The following LBP variants were observed in gnomAD, a reference collection of about 807,000 sequenced individuals.
The protein encoded by LBP is lipopolysaccharide-binding protein.
LBP carries 53 observed loss-of-function variants against 56.6 expected under a neutral mutation model. The ratio of observed to expected loss-of-function variants is 0.94; its 90% CI spans 0.75 to 1.18. The LOEUF is 1.18. LBP is among the 50% of genes most tolerant of loss of function. LBP has a pLI of 0.00. For synonymous variants in LBP, 227 were observed against 247.5 expected (o/e 0.92, Z 0.78); for missense variants, 601 against 598.3 (o/e 1.00, Z -0.05).
rs914082747 is a variant in LBP, at chr20:38,346,721, G to A, written c.124+81G>A. 16 of 1,574,278 alleles carry A rather than the reference G, an allele frequency of 1.0e-5. No individual in the cohort carries two copies. The African/African-American group carries it at 2.2e-4, about 21-fold the overall frequency. On this transcript the variant is annotated intron_variant, in intron 1 of 14. Transcript: ENST00000217407. ...GGGTACAGTGGGGACAGGGAGTGGG[G>A]ACACAGACCGGACCCTCTCCCTGGG...
intron 3 of LBP, among the ~76,000 whole-genome samples, chr20:38,353,258 CCTAT>C (rs1258599138): frequency 1.3e-5 from 2 of 152,078 alleles, no homozygotes; most frequent in Non-Finnish European, 2.9e-5. Flanking sequence ...CATGTCCACC[CCTAT>C]CTGACTCCAA....
intron 10 of LBP, 119 bp downstream of exon 10, chr20:38,369,281 A>G (rs1466606205): frequency 2.9e-5 from 29 of 1,009,922 alleles, no homozygotes; most frequent in African/African-American, 9.8e-5. Context: ...CAACTTAAAT[A>G]TTACTTCCCG....
intron 8 of LBP, 70 bp downstream of exon 8, chr20:38,364,822 AC>A: frequency 7.3e-7 from 1 of 1,365,188 alleles, no homozygotes; most frequent in South Asian, 1.4e-5. Context: ...TTTCCTTTTC[AC>A]CCCTGTTGAC....
At chr20:38,369,241 A>T in intron 10 of LBP, 79 bp downstream of exon 10, 1 of 1,365,488 alleles carries the variant, frequency 7.3e-7, no homozygotes, top group South Asian at 1.4e-5. Context: ...TTTTCTCCCC[A>T]CTCACCACCT....
chr20:38,353,766 G>C (rs1389860297), intron 3 of LBP, among the ~76,000 whole-genome samples: 2 of 152,020 alleles, frequency 1.3e-5, no homozygotes, highest in African/African-American at 4.8e-5. Flanking sequence ...TTTTGAATCT[G>C]ATAGGCGAGA....
chr20:38,348,937 G>A (rs2076810953), intron 1 of LBP, among the ~76,000 whole-genome samples: 2 of 152,088 alleles, frequency 1.3e-5, no homozygotes, highest in Admixed American at 1.3e-4. Context: ...GAGACTACAG[G>A]TGCCTGCCAC....
chr20:38,369,847 A>C (rs1467421547), intron 10 of LBP, among the ~76,000 whole-genome samples: 1 of 152,140 alleles, frequency 6.6e-6, no homozygotes, highest in East Asian at 1.9e-4. Flanking sequence ...CTCTGCGTTA[A>C]ACATTGAGAG....
chr20:38,350,992 C>A, intron 3 of LBP, 53 bp downstream of exon 3: 1 of 1,592,996 alleles, frequency 6.3e-7, no homozygotes, highest in South Asian at 1.1e-5. Flanking sequence ...GCCTTCGCCC[C>A]ATCCTTCTTA....
At chr20:38,372,510 A>G (rs937824916) in intron 12 of LBP, among the ~76,000 whole-genome samples, 1 of 152,156 alleles carries the variant, frequency 6.6e-6, no homozygotes, top group Non-Finnish European at 1.5e-5. Context: ...AAAAACAAAA[A>G]CTACAGACTC....
rs34125610 is a variant in LBP, at chr20:38,356,420, G to GCA, written c.588+1045_588+1046dup. On this transcript the variant is annotated intron_variant, in intron 5 of 14. Transcript: ENST00000217407. ...CACACCCCCCACACCACACACACGC[G>GCA]CACACACACACACACACACACACAC... 2.7e-3 allele frequency among the ~76,000 whole-genome samples: 343 copies of GCA among 124,876 alleles called. 2 individuals are homozygous for GCA. The highest frequency in any genetic ancestry group is 6.6e-3 in the African/African-American group (199 of 29,984). 81.9% of individuals were successfully genotyped at this position (124,876 alleles called of 152,430 possible). A position where few individuals can be genotyped will look rare whatever the true frequency, so the allele number is the denominator to read the frequency against.
intron 5 of LBP, among the ~76,000 whole-genome samples, chr20:38,360,102 A>G (rs147212952): frequency 6.6e-6 from 1 of 152,066 alleles, no homozygotes; most frequent in Non-Finnish European, 1.5e-5. Flanking sequence ...ATATATAACA[A>G]TTAGCTGGGC....
intron 14 of LBP, among the ~76,000 whole-genome samples, chr20:38,376,072 G>A (rs1472189045): frequency 1.3e-5 from 2 of 152,160 alleles, no homozygotes; most frequent in Non-Finnish European, 2.9e-5. Context: ...AAATGTCAGT[G>A]GGCTTTTGTG....
At chr20:38,365,844 A>G (rs1340583735) in intron 8 of LBP, among the ~76,000 whole-genome samples, 2 of 151,758 alleles carry the variant, frequency 1.3e-5, no homozygotes, top group African/African-American at 2.4e-5. Flanking sequence ...CACAATTATA[A>G]AGACACTGAG....
At chr20:38,357,666 C>A (rs562020675) in intron 5 of LBP, among the ~76,000 whole-genome samples, 1 of 152,138 alleles carries the variant, frequency 6.6e-6, no homozygotes, top group Non-Finnish European at 1.5e-5. Flanking sequence ...GAAGTAATGA[C>A]GGAAAAGAAT....
At chr20:38,362,114 A>G (rs2076862558) in intron 6 of LBP, among the ~76,000 whole-genome samples, 1 of 137,348 alleles carries the variant, frequency 7.3e-6, no homozygotes, top group Non-Finnish European at 1.5e-5. Context: ...GCTGGAGTGC[A>G]GTGGCGCAAT....
At chr20:38,372,602 T>C (rs2076904363) in intron 12 of LBP, among the ~76,000 whole-genome samples, 1 of 152,164 alleles carries the variant, frequency 6.6e-6, no homozygotes, top group African/African-American at 2.4e-5. Flanking sequence ...AGTTTCCCGA[T>C]ATATGGAATA....
Position 38,350,923 on chromosome 20 carries a change from GT to G in LBP, c.353del (p.Val118GlyfsTer61). The G allele has an allele frequency of 6.2e-7, 1 of 1,613,886 alleles. No homozygotes were observed. The highest frequency in any genetic ancestry group is 1.1e-5 in the South Asian group (1 of 91,064). On this transcript the variant is annotated frameshift_variant, in exon 3 of 15. Coordinates refer to ENST00000217407, the MANE Select transcript of LBP (RefSeq NM_004139.5). LOFTEE classifies it high-confidence loss of function. The stretch of plus-strand genomic sequence containing the variant: ...CATCCGGGTCCAGGGCAGGTGGAAG[GT>G]GCGCAAGTCATTCTTGTAAGTTGGC... ...SSIRVQGRWK[V>X]RKSFFKLQGS... is the part of the protein sequence containing the mutation.
chr20:38,357,992 G>T lies in LBP; in HGVS notation c.588+2583G>T, dbSNP rs78301775. ...ATCTTGGTTTTGATTGGTTTGGCCA[G>T]CTTCTTTACCGCATCCTGTTTTATC... On this transcript the variant is annotated intron_variant, in intron 5 of 14. Coordinates refer to ENST00000217407, the MANE Select transcript of LBP (RefSeq NM_004139.5). 4.9e-3 allele frequency among the ~76,000 whole-genome samples: 741 copies of T among 152,332 alleles called. 1 individual carries two copies. The highest frequency in any genetic ancestry group is 8.0e-3 in the Non-Finnish European group (547 of 68,024).
At chr20:38,356,129 ATC>A (rs200293017) in intron 5 of LBP, among the ~76,000 whole-genome samples, 1 of 31,974 alleles carries the variant, frequency 3.1e-5, no homozygotes, top group Non-Finnish European at 6.6e-5. Flanking sequence ...CCACACACAC[ATC>A]CTACACACAA....
Sources: allele counts gnomAD v4.1 joint callset (sites outside exome capture counted in the v4.1 genomes callset), GRCh38; gene constraint gnomAD v4.1.1; transcripts MANE v1.5; gene names NCBI Gene and HGNC (gene_info 2026-07-23, HGNC 2026-07-21).